Variants in TMEM108 observed in about 807,000 individuals in gnomAD.
TMEM108 encodes cancer/testis antigen 124.
Under a neutral mutation model 35.1 loss-of-function variants are expected in TMEM108, and 12 were observed. The ratio of observed to expected loss-of-function variants is 0.34; its 90% CI spans 0.22 to 0.55. TMEM108 has a LOEUF of 0.55. Among genes scored for constraint, TMEM108 ranks in the 20% least tolerant of loss-of-function variants. The pLI, the probability that TMEM108 is intolerant of heterozygous loss-of-function variation, is 0.89. For synonymous variants in TMEM108, 287 were observed against 308.6 expected (o/e 0.93, Z 0.73); for missense variants, 680 against 753.3 (o/e 0.90, Z 1.14).
intron 2 of TMEM108, among the ~76,000 whole-genome samples, chr3:133,176,350 C>T (rs1430366293): frequency 6.6e-6 from 1 of 152,284 alleles, no homozygotes; most frequent in South Asian, 2.1e-4. Context: ...ACTCTCCACC[C>T]CAAATCAACA....
At chr3:133,109,414 G>A (rs1395383741) in intron 2 of TMEM108, among the ~76,000 whole-genome samples, 2 of 152,046 alleles carry the variant, frequency 1.3e-5, no homozygotes, top group Non-Finnish European at 2.9e-5. Flanking sequence ...GATAGCTTGA[G>A]CTCAGGAGTT....
chr3:133,095,953 C>A (rs1030954855), intron 2 of TMEM108, among the ~76,000 whole-genome samples: 4 of 152,160 alleles, frequency 2.6e-5, no homozygotes, highest in African/African-American at 7.2e-5. Flanking sequence ...TTTGTTGCCT[C>A]GCAAATATTC....
intron 1 of TMEM108, among the ~76,000 whole-genome samples, chr3:133,038,986 C>T (rs965236806): frequency 6.6e-6 from 1 of 152,332 alleles, no homozygotes; most frequent in Admixed American, 6.5e-5. Context: ...CTCCGTGCTG[C>T]CCGGGAGGTT....
chr3:133,108,356 T>G (rs1944183490), intron 2 of TMEM108, among the ~76,000 whole-genome samples: 1 of 152,220 alleles, frequency 6.6e-6, no homozygotes, highest in Non-Finnish European at 1.5e-5. Flanking sequence ...GATTTGCATT[T>G]CTCTGATGGC....
intron 3 of TMEM108, among the ~76,000 whole-genome samples, chr3:133,366,237 C>A (rs1312187001): frequency 1.3e-5 from 2 of 152,142 alleles, no homozygotes; most frequent in Non-Finnish European, 2.9e-5. Context: ...ATAAACTTTA[C>A]AAAATTTGCC....
chr3:133,191,274 A>G (rs1299681167), intron 2 of TMEM108, among the ~76,000 whole-genome samples: 1 of 152,134 alleles, frequency 6.6e-6, no homozygotes, highest in Non-Finnish European at 1.5e-5. Context: ...TCCCCTCCAG[A>G]GCCTTAATAC....
intron 3 of TMEM108, 133 bp from the exon 4 acceptor site, chr3:133,379,619 C>T (rs966703875): frequency 1.2e-6 from 1 of 847,162 alleles, no homozygotes; most frequent in Non-Finnish European, 1.9e-6. Context: ...AGTGTAGGAG[C>T]ACTAGTGTGG....
chr3:133,386,427 A>T, intron 4 of TMEM108: 2 of 1,536,122 alleles, frequency 1.3e-6, no homozygotes, highest in Non-Finnish European at 1.7e-6. Flanking sequence ...CACACAGCAG[A>T]TCCTATCACC....
chr3:133,059,287 C>T (rs997694530), intron 2 of TMEM108, among the ~76,000 whole-genome samples: 9 of 152,206 alleles, frequency 5.9e-5, no homozygotes, highest in Non-Finnish European at 2.9e-5. Flanking sequence ...TATTCATTCC[C>T]TTTACCTTCA....
At chr3:133,253,371 G>A (rs1053209493) in intron 3 of TMEM108, 1 of 152,116 alleles carries the variant, frequency 6.6e-6, no homozygotes, top group Non-Finnish European at 1.5e-5. Context: ...CCTATATAAA[G>A]TGCATCAAGT....
Position 133,117,640 on chromosome 3 carries a change from C to G in TMEM108, c.-47+71620C>G, listed in dbSNP as rs183659140. ...TTCTGCTAAGGTGTGAGGTGTGTGT[C>G]TCTGTTTGTTTGCTTGTGGCAAAGT... On this transcript the variant is annotated intron_variant, in intron 2 of 5. Transcript: ENST00000321871. Among the ~76,000 whole-genome samples, 193 of 152,276 alleles carry G rather than the reference C, an allele frequency of 1.3e-3. 2 individuals carry two copies. Among genetic ancestry groups the G allele is most frequent in the African/African-American group, 4.5e-3 (186 of 41,560 alleles).
intron 3 of TMEM108, among the ~76,000 whole-genome samples, chr3:133,343,488 G>T (rs2071724006): frequency 6.6e-6 from 1 of 151,902 alleles, no homozygotes; most frequent in Non-Finnish European, 1.5e-5. Context: ...CCTTCAGCAG[G>T]TGAATGAGTA....
chr3:133,198,871 A>G (rs1945618699), intron 2 of TMEM108, among the ~76,000 whole-genome samples: 1 of 151,678 alleles, frequency 6.6e-6, no homozygotes, highest in East Asian at 1.9e-4. Context: ...GAGTGGAAAC[A>G]CTCCTGCAGA....
chr3:133,126,189 A>G lies in TMEM108; in HGVS notation c.-47+80169A>G, dbSNP rs1250801251. ...TTTTTAAAAAAGTGATGTTCTGACC[A>G]GGTGCGGTGGCTCACGCCTGTAATC... On this transcript the variant is annotated intron_variant, in intron 2 of 5. Transcript: ENST00000321871. Among the ~76,000 whole-genome samples the G allele has an allele frequency of 1.1e-4, 17 of 152,160 alleles. 1 individual carries two copies. The highest frequency in any genetic ancestry group is 1.1e-3 in the Admixed American group (17 of 15,264).
chr3:133,278,511 A>G (rs1267226080), intron 3 of TMEM108, among the ~76,000 whole-genome samples: 2 of 152,216 alleles, frequency 1.3e-5, no homozygotes, highest in African/African-American at 4.8e-5. Context: ...ACAGACCTAA[A>G]TGGTACAGTA....
intron 2 of TMEM108, among the ~76,000 whole-genome samples, chr3:133,112,454 G>C (rs1031751587): frequency 2.6e-5 from 4 of 152,138 alleles, no homozygotes; most frequent in Admixed American, 2.0e-4. Flanking sequence ...TTCCAAGGGG[G>C]TCTCAGTTAT....
intron 2 of TMEM108, among the ~76,000 whole-genome samples, chr3:133,106,190 T>TG (rs1944150454): frequency 6.6e-6 from 1 of 151,530 alleles, no homozygotes; most frequent in African/African-American, 2.4e-5. Flanking sequence ...TTTTTTTTTT[T>TG]TTTTTTTTTG....
In TMEM108 at chr3:133,380,925, T is replaced by A. The variant is rs1485793916; in HGVS notation, c.1214T>A (p.Val405Glu). ...ATTTCTGGAGCCAAGGAGGAGACTGTGGCCACCCTCACCATGACCGACCGG... is the reference window on the plus strand; with the variant it reads ...ATTTCTGGAGCCAAGGAGGAGACTGAGGCCACCCTCACCATGACCGACCGG... ...STISGAKEETVATLTMTDRVP... is the reference protein window; with the variant it reads ...STISGAKEETEATLTMTDRVP... Residue 405 changes from valine (V) to glutamate (E), a missense_variant, in exon 4 of 6, where the codon GTG becomes GAG. Coordinates refer to ENST00000321871, the MANE Select transcript of TMEM108 (RefSeq NM_023943.4). This position sits in a 1 kb window ranked among gnomAD's most constrained non-coding sequence, Gnocchi z 5.3. 3 of 1,614,180 alleles carry A rather than the reference T, an allele frequency of 1.9e-6. No homozygotes were observed. Among genetic ancestry groups the A allele is most frequent in the Non-Finnish European group, 2.5e-6 (3 of 1,180,018 alleles).
intron 3 of TMEM108, among the ~76,000 whole-genome samples, chr3:133,306,102 A>G (rs1455971996): frequency 2.0e-5 from 3 of 152,090 alleles, no homozygotes; most frequent in African/African-American, 7.2e-5. Context: ...AAACTTTTTA[A>G]TTTTTATTGA....
Sources: allele counts gnomAD v4.1 joint callset (sites outside exome capture counted in the v4.1 genomes callset), GRCh38; gene constraint gnomAD v4.1.1; non-coding constraint Gnocchi (gnomAD v3.1); transcripts MANE v1.5; gene names NCBI Gene and HGNC (gene_info 2026-07-23, HGNC 2026-07-21).